TSG101: variants seen among roughly 807,000 people sequenced by gnomAD.
TSG101 encodes the protein tumor susceptibility gene 101 protein.
Under a neutral mutation model 48.5 loss-of-function variants are expected in TSG101, and 19 were observed. The observed-to-expected ratio is 0.39, with a 90% CI of 0.27 to 0.58. TSG101 has a LOEUF of 0.58. Among genes scored for constraint, TSG101 ranks in the 20% least tolerant of loss-of-function variants. The probability of loss-of-function intolerance (pLI) is 0.55; values close to 1 mark genes in which losing one functional copy is unlikely to be tolerated. For synonymous variants in TSG101, 174 were observed against 169.4 expected (o/e 1.03, Z -0.21); for missense variants, 365 against 484.4 (o/e 0.75, Z 2.31).
In TSG101 at chr11:18,509,645, C is replaced by T; in HGVS notation, c.378G>A (p.Gly126=). Residue 126 remains glycine, a synonymous_variant, in exon 5 of 10, where the codon GGG becomes GGA. Coordinates refer to ENST00000251968, the MANE Select transcript of TSG101 (RefSeq NM_006292.4). ...EWKHPQSDLL[G]LIQVMIVVFG... ...ATACCACAATCATGACCTGAATAAG[C>T]CCCAACAAGTCTGACTGTGGCTACA... The T allele has an allele frequency of 2.5e-6, 4 of 1,607,188 alleles. No individual in the cohort carries two copies. Among genetic ancestry groups the T allele is most frequent in the Non-Finnish European group, 3.4e-6 (4 of 1,175,764 alleles).
intron 7 of TSG101, among the ~76,000 whole-genome samples, chr11:18,492,000 A>C (rs1160749580): frequency 7.2e-5 from 11 of 152,240 alleles, no homozygotes; most frequent in Admixed American, 7.2e-4. Context: ...AATTTCTTAT[A>C]CTGTACTTAA....
chr11:18,506,944 A>G (rs751703632), intron 5 of TSG101, 21 bp from the exon 6 acceptor site: 19 of 1,598,888 alleles, frequency 1.2e-5, no homozygotes, highest in Admixed American at 1.7e-5. Flanking sequence ...TTTTTTTCAC[A>G]TTGTAAAAAT....
At chr11:18,491,419 C>T (rs2658554) in intron 7 of TSG101, among the ~76,000 whole-genome samples, 75,519 of 151,920 alleles carry the variant, frequency 0.5, 19,171 homozygotes, top group Non-Finnish European at 0.55. Flanking sequence ...AAACTCTAGA[C>T]CCAAGGCTCA....
At chr11:18,487,209 A>C (rs1166420202) in intron 7 of TSG101, among the ~76,000 whole-genome samples, 1 of 151,838 alleles carries the variant, frequency 6.6e-6, no homozygotes, top group Non-Finnish European at 1.5e-5. Context: ...ACATGTATAC[A>C]TATGTAACTA....
chr11:18,513,045 T>A (rs1164313051), intron 4 of TSG101, among the ~76,000 whole-genome samples: 3 of 152,020 alleles, frequency 2.0e-5, no homozygotes, highest in African/African-American at 4.8e-5. Flanking sequence ...CAGATTTTTA[T>A]AAGGCTCATT....
chr11:18,496,086 T>A (rs1427871882), intron 7 of TSG101, among the ~76,000 whole-genome samples: 1 of 152,168 alleles, frequency 6.6e-6, no homozygotes, highest in Non-Finnish European at 1.5e-5. Flanking sequence ...GGAACACCAT[T>A]CTCTTCTGGG....
chr11:18,490,694 T>C, intron 7 of TSG101: 1 of 445,390 alleles, frequency 2.2e-6, no homozygotes, highest in African/African-American at 2.0e-5. Context: ...GTCCTGCAGT[T>C]CTGCCTCTAT....
chr11:18,496,480 A>C (rs199628620), intron 7 of TSG101, among the ~76,000 whole-genome samples: 1,519 of 139,778 alleles, frequency 0.011, 23 homozygotes, highest in East Asian at 0.044. Context: ...AATAAAATAA[A>C]ATAAAATAAA....
At chr11:18,499,783 C>A (rs186842439) in intron 7 of TSG101, among the ~76,000 whole-genome samples, 1 of 151,826 alleles carries the variant, frequency 6.6e-6, no homozygotes, top group Non-Finnish European at 1.5e-5. Context: ...GTTACCTGCA[C>A]GGAATGTAAT....
In TSG101 at chr11:18,521,305, C is replaced by T. The variant is rs556127098; in HGVS notation, c.43-1702G>A. Among the ~76,000 whole-genome samples the T allele has an allele frequency of 5.9e-5, 9 of 151,496 alleles. No individual in the cohort carries two copies. The South Asian group carries it at 1.0e-3, about 18-fold the overall frequency. On this transcript the variant is annotated intron_variant, in intron 1 of 9. Transcript: ENST00000251968. ...CCAATTCTACCTTTGTCTTACTTCA[C>T]CTGTCAGCAGTATTTGACCAAGCTG...
At chr11:18,483,838 C>A in intron 8 of TSG101, 32 bp downstream of exon 8, 1 of 1,611,390 alleles carries the variant, frequency 6.2e-7, no homozygotes, top group Non-Finnish European at 8.5e-7. Context: ...CAATTCAATC[C>A]AAAAATTTTA....
chr11:18,484,141 T>G (rs1849586558), intron 7 of TSG101, 69 bp from the exon 8 acceptor site: 3 of 1,529,932 alleles, frequency 2.0e-6, no homozygotes, highest in Non-Finnish European at 2.7e-6. Context: ...CACAGGAACC[T>G]TCAGAAAAGG....
intron 7 of TSG101, among the ~76,000 whole-genome samples, chr11:18,501,008 A>G (rs1161526945): frequency 6.6e-6 from 1 of 152,064 alleles, no homozygotes; most frequent in East Asian, 1.9e-4. Context: ...GGGTTTTACC[A>G]TGTTGGCCAG....
At chr11:18,517,396 C>T (rs1850196907) in intron 2 of TSG101, among the ~76,000 whole-genome samples, 2 of 152,154 alleles carry the variant, frequency 1.3e-5, no homozygotes, top group African/African-American at 2.4e-5. Flanking sequence ...TAATATGGCA[C>T]ATAGTTTGTA....
chr11:18,526,652 A>T, intron 1 of TSG101, 123 bp downstream of exon 1: 1 of 1,204,690 alleles, frequency 8.3e-7, no homozygotes, highest in Non-Finnish European at 1.1e-6. Flanking sequence ...GGAGGTCGCT[A>T]AGGACTGCAC....
intron 1 of TSG101, among the ~76,000 whole-genome samples, chr11:18,526,137 GA>G (rs34165683): frequency 4.9e-5 from 7 of 144,196 alleles, no homozygotes; most frequent in African/African-American, 7.7e-5. Context: ...TTTAAAAATT[GA>G]AAAAAAAAAC....
At chr11:18,510,942 A>G (rs1850070539) in intron 4 of TSG101, 2 of 81,376 alleles carry the variant, frequency 2.5e-5, no homozygotes, top group Non-Finnish European at 5.5e-5. Flanking sequence ...ACCCAACAAC[A>G]ACGACAACAA....
Position 18,489,618 on chromosome 11 carries a change from A to T in TSG101, c.641-5546T>A, listed in dbSNP as rs181384951. 7.2e-5 allele frequency among the ~76,000 whole-genome samples: 11 copies of T among 152,348 alleles called. No homozygotes were observed. In the East Asian group the frequency reaches 2.1e-3, roughly 29 times the overall value. On this transcript the variant is annotated intron_variant, in intron 7 of 9. Transcript: ENST00000251968. ...CTTTTCAAGGTGTCATAAGCCAGTT[A>T]TCTGCCACAAAGAATTTAAATTTCA...
rs2133937506 is a variant in TSG101, at chr11:18,525,716, G to A, written c.42+1059C>T. ...TGTCTTCTATAACTAAGGATAACAA[G>A]TTTATCAAAACAAAACCAAGAAGCC... On this transcript the variant is annotated intron_variant, in intron 1 of 9. Coordinates refer to ENST00000251968, the MANE Select transcript of TSG101 (RefSeq NM_006292.4). 4.1e-6 allele frequency: 4 copies of A among 983,652 alleles called. No individual in the cohort carries two copies. In the East Asian group the frequency reaches 4.5e-4, roughly 112 times the overall value. The allele number at this position is 983,652 out of a possible 1,614,324, so 60.9% of individuals were successfully genotyped here. A position where few individuals can be genotyped will look rare whatever the true frequency, so the allele number is the denominator to read the frequency against.
Sources: allele counts gnomAD v4.1 joint callset (sites outside exome capture counted in the v4.1 genomes callset), GRCh38; gene constraint gnomAD v4.1.1; transcripts MANE v1.5; gene names NCBI Gene and HGNC (gene_info 2026-07-23, HGNC 2026-07-21).